Variants in DAB1 observed in about 807,000 individuals in gnomAD.
DAB1 encodes DAB adaptor protein 1, also known as disabled homolog 1.
A neutral mutation model predicts 64.6 loss-of-function variants in DAB1; 15 were observed. The ratio of observed to expected loss-of-function variants is 0.23; its 90% CI spans 0.16 to 0.36. The LOEUF is 0.36. DAB1 is among the 10% of genes least tolerant of loss of function. DAB1 has a pLI of 1.00. For synonymous variants in DAB1, 235 were observed against 251.9 expected (o/e 0.93, Z 0.64); for missense variants, 596 against 706.7 (o/e 0.84, Z 1.78).
intron 7 of DAB1, among the ~76,000 whole-genome samples, chr1:57,440,041 A>T (rs1685881845): frequency 6.6e-6 from 1 of 152,042 alleles, no homozygotes. Context: ...TTCACCTTCT[A>T]CTTGTTTGCC....
At chr1:57,587,552 C>T (rs889733632) in intron 7 of DAB1, among the ~76,000 whole-genome samples, 3 of 152,134 alleles carry the variant, frequency 2.0e-5, no homozygotes, top group Non-Finnish European at 4.4e-5. Context: ...GCTTAATTCT[C>T]TCACCCCCTC....
intron 3 of DAB1, among the ~76,000 whole-genome samples, chr1:58,471,353 T>C (rs904778988): frequency 6.6e-6 from 1 of 152,170 alleles, no homozygotes. Flanking sequence ...CCTTGGAAAG[T>C]ACTTGACTTT....
chr1:58,080,973 G>A (rs1240994836), intron 5 of DAB1, among the ~76,000 whole-genome samples: 2 of 152,232 alleles, frequency 1.3e-5, no homozygotes, highest in East Asian at 1.9e-4. Flanking sequence ...TTGAGCTAAT[G>A]AGTGGCAGAA....
chr1:57,690,185 T>C (rs1646747351), intron 6 of DAB1, among the ~76,000 whole-genome samples: 1 of 152,186 alleles, frequency 6.6e-6, no homozygotes, highest in African/African-American at 2.4e-5. Context: ...TGCTTCCAAA[T>C]CTTGGCTATT....
At chr1:57,609,832 GT>G (rs1215479144) in intron 7 of DAB1, among the ~76,000 whole-genome samples, 1 of 152,148 alleles carries the variant, frequency 6.6e-6, no homozygotes, top group Non-Finnish European at 1.5e-5. Flanking sequence ...AAAACATCTT[GT>G]TTAGTCACTT....
chr1:57,090,908 CGAACCCTATTGT>C (rs1181545556), intron 4 of DAB1, among the ~76,000 whole-genome samples: 1 of 152,098 alleles, frequency 6.6e-6, no homozygotes, highest in Non-Finnish European at 1.5e-5. Flanking sequence ...CATAGGAGCG[CGAACCCTATTGT>C]GAACTGCGTG....
At chr1:57,130,174 A>G (rs921048890) in intron 4 of DAB1, among the ~76,000 whole-genome samples, 5 of 151,980 alleles carry the variant, frequency 3.3e-5, no homozygotes, top group African/African-American at 1.2e-4. Flanking sequence ...GAGGACATAG[A>G]AAGACTGTAC....
intron 5 of DAB1, among the ~76,000 whole-genome samples, chr1:57,921,549 C>T (rs1181747423): frequency 1.3e-5 from 2 of 152,062 alleles, no homozygotes; most frequent in African/African-American, 2.4e-5. Flanking sequence ...CTGTCTTCAC[C>T]TCCTCTTTCT....
intron 5 of DAB1, among the ~76,000 whole-genome samples, chr1:58,015,591 G>T (rs1027098864): frequency 3.9e-5 from 6 of 152,140 alleles, no homozygotes. Context: ...CATGGAGAAT[G>T]TGTTGGTCAT....
At chr1:57,411,249 C>T (rs555866514) in intron 1 of DAB1, among the ~76,000 whole-genome samples, 24 of 152,210 alleles carry the variant, frequency 1.6e-4, no homozygotes, top group Admixed American at 1.2e-3. Context: ...ATCTTAAGTC[C>T]GTGTGATGAA....
chr1:58,199,395 T>C (rs1343905062), intron 4 of DAB1, among the ~76,000 whole-genome samples: 1 of 152,322 alleles, frequency 6.6e-6, no homozygotes, highest in South Asian at 2.1e-4. Context: ...TGTCTGACCT[T>C]TCTAATCTCA....
chr1:57,854,669 T>A (rs1330539948), intron 1 of DAB1, among the ~76,000 whole-genome samples: 1 of 152,198 alleles, frequency 6.6e-6, no homozygotes, highest in African/African-American at 2.4e-5. Flanking sequence ...GCTGGTGGTC[T>A]GGTTGCTTCT....
chr1:57,463,046 A>C (rs1296746565), intron 7 of DAB1, among the ~76,000 whole-genome samples: 15 of 152,210 alleles, frequency 9.9e-5, no homozygotes, highest in Non-Finnish European at 1.5e-5. Flanking sequence ...ATATAAAATG[A>C]ATGTGTTTAG....
At chr1:57,622,001 T>G (rs1358211652) in intron 7 of DAB1, among the ~76,000 whole-genome samples, 1 of 152,178 alleles carries the variant, frequency 6.6e-6, no homozygotes, top group Non-Finnish European at 1.5e-5. Context: ...CTGCAGTAGC[T>G]TAAATGTGTG....
chr1:57,282,490 AAGCCTGACTTCT>A (rs1479252711), intron 2 of DAB1, among the ~76,000 whole-genome samples: 2 of 152,108 alleles, frequency 1.3e-5, no homozygotes, highest in African/African-American at 4.8e-5. Context: ...AGTTTGGAGA[AAGCCTGACTTCT>A]AGCAAGGGAA....
intron 5 of DAB1, among the ~76,000 whole-genome samples, chr1:58,126,764 C>T (rs1280622570): frequency 2.6e-5 from 4 of 151,884 alleles, no homozygotes; most frequent in African/African-American, 7.3e-5. Context: ...CAATTGCATC[C>T]ATGTCCCTAC....
At chr1:57,768,751 C>A (rs1350048543) in intron 6 of DAB1, among the ~76,000 whole-genome samples, 1 of 151,888 alleles carries the variant, frequency 6.6e-6, no homozygotes, top group Non-Finnish European at 1.5e-5. Flanking sequence ...CCACACAAGC[C>A]CCGCAGCAGG....
At chr1:58,127,575 G>C (rs1284659821) in intron 5 of DAB1, among the ~76,000 whole-genome samples, 1 of 152,108 alleles carries the variant, frequency 6.6e-6, no homozygotes, top group Non-Finnish European at 1.5e-5. Flanking sequence ...TTTTCTTCTA[G>C]GGTTTTTATG....
chr1:57,616,710 G>C (rs188826353), intron 7 of DAB1, among the ~76,000 whole-genome samples: 1 of 152,092 alleles, frequency 6.6e-6, no homozygotes, highest in Non-Finnish European at 1.5e-5. Context: ...TGTGATGGCC[G>C]TATCTATCCA....
Sources: gnomAD v4.1 joint callset for allele counts (sites outside exome capture counted in the v4.1 genomes callset) on GRCh38, gnomAD v4.1.1 for gene constraint, MANE v1.5 for transcripts, NCBI Gene and HGNC (gene_info 2026-07-23, HGNC 2026-07-21) for gene names.